Variants in ADGRE1 observed in about 807,000 individuals in gnomAD.
The protein encoded by ADGRE1 is adhesion G protein-coupled receptor E1, also known as EGF-like module receptor 1.
A neutral mutation model predicts 102.7 loss-of-function variants in ADGRE1; 82 were observed. The observed-to-expected ratio is 0.80, with a 90% CI of 0.67 to 0.96. The LOEUF (loss-of-function observed/expected upper bound fraction) is 0.96, where lower values mean the gene tolerates loss of function less well. Among genes scored for constraint, ADGRE1 ranks in the 40% least tolerant of loss-of-function variants. The probability of loss-of-function intolerance (pLI) is 0.00; values close to 1 mark genes in which losing one functional copy is unlikely to be tolerated. For synonymous variants in ADGRE1, 398 were observed against 399.6 expected, an observed-to-expected ratio of 1.00 and a Z score of 0.05; for missense variants, 1,032 against 1,085.3, an observed-to-expected ratio of 0.95 and a Z score of 0.69.
Position 6,924,722 on chromosome 19 carries a change from C to T in ADGRE1, c.1836C>T (p.Ile612=), listed in dbSNP as rs752639216. The change falls in exon 15 of 21, where the codon ATC becomes ATT. Residue 612 remains isoleucine (I), a synonymous_variant. Coordinates refer to ENST00000312053, the MANE Select transcript of ADGRE1 (RefSeq NM_001974.5). ...LYIISHVGII[I]SLVCLVLAIA... ...TCATTAGCCATGTAGGCATTATCAT[C>T]TCCTTGGTGTGCCTCGTCTTGGCCA... 6 of 1,614,202 alleles carry T rather than the reference C, an allele frequency of 3.7e-6. No homozygotes were observed. The highest frequency in any genetic ancestry group is 5.1e-6 in the Non-Finnish European group (6 of 1,180,040).
chr19:6,916,713 A>G (rs1255073448), intron 12 of ADGRE1, among the ~76,000 whole-genome samples: 2 of 151,856 alleles, frequency 1.3e-5, no homozygotes, highest in Non-Finnish European at 2.9e-5. Flanking sequence ...AAAACGTCTC[A>G]CTCATCTTTT....
intron 18 of ADGRE1, among the ~76,000 whole-genome samples, chr19:6,936,252 T>C (rs1237204296): frequency 2.0e-5 from 3 of 151,918 alleles, no homozygotes; most frequent in Non-Finnish European, 2.9e-5. Context: ...CTGGCTAACA[T>C]GGTGAAACCC....
At chr19:6,928,480 A>G in intron 17 of ADGRE1, 1 of 656,152 alleles carries the variant, frequency 1.5e-6, no homozygotes, top group Non-Finnish European at 2.4e-6. Context: ...ACAAAAAATT[A>G]GCTGGGTGTG....
chr19:6,898,989 T>C (rs1482279999), intron 5 of ADGRE1, among the ~76,000 whole-genome samples: 2 of 152,162 alleles, frequency 1.3e-5, no homozygotes, highest in Non-Finnish European at 1.5e-5. Context: ...AAGGTTAATA[T>C]TGATATTTGA....
intron 16 of ADGRE1, among the ~76,000 whole-genome samples, chr19:6,927,863 G>C (rs111674506): frequency 6.6e-6 from 1 of 152,090 alleles, no homozygotes; most frequent in African/African-American, 2.4e-5. Flanking sequence ...TACCAGTGGA[G>C]AGTTCTGCAT....
At chr19:6,938,063 G>A (rs1337960811) in intron 20 of ADGRE1, among the ~76,000 whole-genome samples, 3 of 151,798 alleles carry the variant, frequency 2.0e-5, no homozygotes, top group South Asian at 4.2e-4. Flanking sequence ...CCGGCTGGGC[G>A]CGGTGGCTCA....
rs1973593516 is a variant in ADGRE1, at chr19:6,897,276, A to G, written c.366A>G (p.Pro122=). ...FSSPTGNDWV[P]GKPGNFSCTD... Reference sequence around the variant, plus strand: ...CTCCCACTGGAAATGACTGGGTCCCAGGAAAGCCGGGCAATTTCTCCTGTA... The same window carrying G: ...CTCCCACTGGAAATGACTGGGTCCCGGGAAAGCCGGGCAATTTCTCCTGTA... The change falls in exon 4 of 21, where the codon CCA becomes CCG. Residue 122 remains proline, a synonymous_variant. Coordinates refer to ENST00000312053, the MANE Select transcript of ADGRE1 (RefSeq NM_001974.5). The G allele has an allele frequency of 6.2e-7, 1 of 1,613,810 alleles. No individual in the cohort carries two copies. The highest frequency in any genetic ancestry group is 8.5e-7 in the Non-Finnish European group (1 of 1,180,002).
At chr19:6,912,783 C>A (rs541845504) in intron 10 of ADGRE1, among the ~76,000 whole-genome samples, 1 of 152,318 alleles carries the variant, frequency 6.6e-6, no homozygotes, top group South Asian at 2.1e-4. Flanking sequence ...ATGAACATCA[C>A]TGGACAAGAT....
chr19:6,935,580 A>T (rs1975369861), intron 18 of ADGRE1, among the ~76,000 whole-genome samples: 1 of 152,140 alleles, frequency 6.6e-6, no homozygotes, highest in South Asian at 2.1e-4. Context: ...CATTGTATTT[A>T]AGTCATACCA....
At chr19:6,905,345 C>G (rs1398137715) in intron 8 of ADGRE1, among the ~76,000 whole-genome samples, 1 of 142,878 alleles carries the variant, frequency 7.0e-6, no homozygotes, top group African/African-American at 2.7e-5. Context: ...GAGACCCTGT[C>G]TTTTGTTTTT....
chr19:6,897,613 C>A, intron 5 of ADGRE1, 66 bp downstream of exon 5: 1 of 1,424,836 alleles, frequency 7.0e-7, no homozygotes, highest in Non-Finnish European at 9.2e-7. Flanking sequence ...ACTGGAAGAC[C>A]ATATGAGAAA....
At chr19:6,920,646 G>C (rs1165962601) in intron 13 of ADGRE1, among the ~76,000 whole-genome samples, 1 of 149,484 alleles carries the variant, frequency 6.7e-6, no homozygotes, top group Non-Finnish European at 1.5e-5. Flanking sequence ...GAGTAGCTGG[G>C]ATTACGGGTG....
intron 5 of ADGRE1, 69 bp from the exon 6 acceptor site, chr19:6,901,806 T>C: frequency 1.3e-6 from 2 of 1,528,524 alleles, no homozygotes; most frequent in Non-Finnish European, 1.8e-6. Context: ...AGAGTGCATC[T>C]CCTATTTGTA....
intron 6 of ADGRE1, 103 bp downstream of exon 6, chr19:6,902,124 C>A: frequency 7.0e-7 from 1 of 1,418,596 alleles, no homozygotes; most frequent in Non-Finnish European, 9.7e-7. Flanking sequence ...CTTTCATCTG[C>A]AAATCTGAAG....
In ADGRE1 at chr19:6,934,994, C is replaced by A. The variant is rs1461184982; in HGVS notation, c.2297C>A (p.Ser766Tyr). 2 of 1,583,626 alleles carry A rather than the reference C, an allele frequency of 1.3e-6. No individual in the cohort carries two copies. Among genetic ancestry groups the A allele is most frequent in the Non-Finnish European group, 1.7e-6 (2 of 1,164,164 alleles). Residue 766 changes from serine (S) to tyrosine (Y), a missense_variant, in exon 18 of 21, where the codon TCC (serine) becomes TAC (tyrosine). Ser to Tyr is a moderately radical substitution (Grantham distance 144). Coordinates refer to ENST00000312053, the MANE Select transcript of ADGRE1 (RefSeq NM_001974.5). ...TTCTGCTTGACTTTGCAGATCAACTCCCTTCTCCTGACCTGGACCTTGTGG... is the reference window on the plus strand; with the variant it reads ...TTCTGCTTGACTTTGCAGATCAACTACCTTCTCCTGACCTGGACCTTGTGG... Reference protein sequence around the residue: ...GPVCTVIVINSLLLTWTLWIL... With the variant: ...GPVCTVIVINYLLLTWTLWIL...
rs747078010 is a variant in ADGRE1 at position 6,901,921 on chromosome 19, T to C, written c.561T>C (p.Thr187=). 1 of 1,614,096 alleles carries C rather than the reference T, an allele frequency of 6.2e-7. No individual in the cohort carries two copies. The highest frequency in any genetic ancestry group is 1.1e-5 in the South Asian group (1 of 91,092). ...CAAGAGCTTGCCCAGAGCATGCAACTTGTAATAACACTGTTGGAAACTACT... is the reference window on the plus strand; with the variant it reads ...CAAGAGCTTGCCCAGAGCATGCAACCTGTAATAACACTGTTGGAAACTACT... ...ADPRACPEHA[T]CNNTVGNYSC... The change falls in exon 6 of 21, where the codon ACT becomes ACC. Residue 187 remains threonine (T), a synonymous_variant. Transcript: ENST00000312053.
chr19:6,926,260 G>A (rs1020488189), intron 15 of ADGRE1, 106 bp from the exon 16 acceptor site: 10 of 1,188,736 alleles, frequency 8.4e-6, no homozygotes, highest in Non-Finnish European at 1.2e-5. Context: ...ATGAATGAGT[G>A]AGCTAGGTTT....
intron 12 of ADGRE1, among the ~76,000 whole-genome samples, chr19:6,916,850 AATG>A (rs1974406877): frequency 6.6e-6 from 1 of 151,730 alleles, no homozygotes; most frequent in Non-Finnish European, 1.5e-5. Flanking sequence ...TATATGTTGA[AATG>A]ATAATATTTG....
At chr19:6,930,500 A>G (rs1975092906) in intron 17 of ADGRE1, among the ~76,000 whole-genome samples, 1 of 152,180 alleles carries the variant, frequency 6.6e-6, no homozygotes, top group African/African-American at 2.4e-5. Context: ...GGTATATGAA[A>G]TATTTTCATA....
Sources: gnomAD v4.1 joint callset for allele counts (sites outside exome capture counted in the v4.1 genomes callset) on GRCh38, gnomAD v4.1.1 for gene constraint, MANE v1.5 for transcripts, NCBI Gene and HGNC (gene_info 2026-07-23, HGNC 2026-07-21) for gene names.